Variants in NBPF8 observed in about 807,000 individuals in gnomAD.
NBPF8 encodes the protein NBPF member 8.
downstream of NBPF8, among the ~76,000 whole-genome samples, chr1:120,467,972 GTC>G (rs1661790350): frequency 4.6e-5 from 7 of 151,936 alleles, no homozygotes; most frequent in Admixed American, 1.3e-4. Context: ...GCGTGTGTGT[GTC>G]TGTGTGTGCC....
At chr1:120,460,366 CAG>C (rs1275448247) in intron 17 of NBPF8, among the ~76,000 whole-genome samples, 2,578 of 152,268 alleles carry the variant, frequency 0.017, 69 homozygotes, top group African/African-American at 0.058. Flanking sequence ...CATTCCAACT[CAG>C]GGGAATTTTG....
upstream of NBPF8, among the ~76,000 whole-genome samples, chr1:120,415,122 T>G (rs1414378097): frequency 6.6e-6 from 1 of 151,700 alleles, no homozygotes; most frequent in Non-Finnish European, 1.5e-5. Context: ...TAGGTGAGGG[T>G]CGCGAGGCTG....
chr1:120,429,466 C>A (rs1395916874), intron 3 of NBPF8, among the ~76,000 whole-genome samples: 2 of 152,176 alleles, frequency 1.3e-5, no homozygotes, highest in African/African-American at 4.8e-5. Flanking sequence ...TGGATTTGCC[C>A]TCCCTGCTGT....
chr1:120,454,703 A>ATTTTTTTTTTT, intron 15 of NBPF8, among the ~76,000 whole-genome samples: 1 of 5,080 alleles, frequency 2.0e-4, no homozygotes, highest in Non-Finnish European at 3.8e-4. Flanking sequence ...AGCATCGTGG[A>ATTTTTTTTTTT]TTTTTTTTTT....
chr1:120,468,632 G>A (rs1553251065), downstream of NBPF8, among the ~76,000 whole-genome samples: 3 of 147,600 alleles, frequency 2.0e-5, no homozygotes, highest in Non-Finnish European at 3.0e-5. Context: ...TCCATGGTCC[G>A]TGCCTCCCCA....
exon 25 of NBPF8, chr1:120,466,315 C>A: frequency 6.5e-7 from 1 of 1,538,230 alleles, no homozygotes; most frequent in South Asian, 1.2e-5. Context: ...TTTGGAAGCC[C>A]AGACATAGGA....
chr1:120,434,231 T>A (rs1480544336), upstream of NBPF8, among the ~76,000 whole-genome samples: 1,801 of 148,344 alleles, frequency 0.012, 44 homozygotes, highest in African/African-American at 0.043. Flanking sequence ...GAAAAAAATA[T>A]ATATATATAA....
exon 25 of NBPF8, chr1:120,467,480 G>A (rs1156752114): frequency 2.2e-4 from 11 of 50,788 alleles, no homozygotes; most frequent in Admixed American, 9.7e-4. Flanking sequence ...GAAGTACTTG[G>A]GAAAGCAGTT....
chr1:120,434,530 T>C (rs1331672826), upstream of NBPF8, among the ~76,000 whole-genome samples: 2 of 149,674 alleles, frequency 1.3e-5, no homozygotes, highest in Non-Finnish European at 3.0e-5. Context: ...TGACAGGCCC[T>C]GGTGTGTGAT....
At chr1:120,464,270 C>T (rs1222608192) in intron 22 of NBPF8, 106 bp from the exon 21 acceptor site, 4 of 662,306 alleles carry the variant, frequency 6.0e-6, no homozygotes, top group East Asian at 5.3e-5. Flanking sequence ...TGGATCTATC[C>T]TTTTACTTTT....
intron 15 of NBPF8, 40 bp downstream of exon 13, chr1:120,454,154 G>T: frequency 2.5e-6 from 4 of 1,601,066 alleles, no homozygotes; most frequent in Non-Finnish European, 3.4e-6. Context: ...CTCTCTCTAG[G>T]CTGAGGAAGA....
At chr1:120,433,183 T>A (rs1486878876), upstream of NBPF8, 3 of 152,166 alleles carry the variant, frequency 2.0e-5, no homozygotes, top group Non-Finnish European at 4.4e-5. Flanking sequence ...TTTAGAGAAA[T>A]TTGAAAGCTA....
upstream of NBPF8, among the ~76,000 whole-genome samples, chr1:120,419,197 C>T (rs1479166962): frequency 2.0e-5 from 3 of 152,204 alleles, no homozygotes; most frequent in African/African-American, 7.2e-5. Context: ...GTCAACCTGA[C>T]ATAAAAGGAA....
chr1:120,459,747 C>G (rs1341101816), intron 17 of NBPF8, among the ~76,000 whole-genome samples: 4 of 152,324 alleles, frequency 2.6e-5, no homozygotes, highest in Admixed American at 2.6e-4. Flanking sequence ...TCACGCCATG[C>G]CCGTGCCAAC....
chr1:120,420,763 C>A lies in NBPF8; in HGVS notation n.269+645C>A, dbSNP rs201416986. Among the ~76,000 whole-genome samples, 138 of 146,790 alleles carry A rather than the reference C, an allele frequency of 9.4e-4. 1 individual carries two copies. In the East Asian group the frequency reaches 0.025, roughly 26 times the overall value. Reference sequence around the variant, plus strand: ...CCCAGGACCTTGTGGTGGATGTCTTCTTTCACTGAGCATTCATGGGGTGAC... The same window carrying A: ...CCCAGGACCTTGTGGTGGATGTCTTATTTCACTGAGCATTCATGGGGTGAC... On this transcript the variant is annotated intron_variant and non_coding_transcript_variant, in intron 1 of 28. Coordinates refer to the NBPF8 transcript ENST00000652355.
chr1:120,418,920 T>C (rs1660498217), upstream of NBPF8, among the ~76,000 whole-genome samples: 1 of 151,900 alleles, frequency 6.6e-6, no homozygotes, highest in Non-Finnish European at 1.5e-5. Flanking sequence ...CTATTATTTA[T>C]GAATATAGTA....
chr1:120,461,054 GTGTGTGTGTGTCTTTC>G (rs1277471309), intron 18 of NBPF8, among the ~76,000 whole-genome samples, 184 bp from the exon 17 acceptor site: 2 of 118,402 alleles, frequency 1.7e-5, no homozygotes, highest in Admixed American at 9.2e-5. Flanking sequence ...GTGTGTGTGT[GTGTGTGTGTGTCTTTC>G]TCTTTCATCC....
At chr1:120,461,016 CTGTGTG>C (rs202089337) in intron 18 of NBPF8, among the ~76,000 whole-genome samples, 6,218 of 131,236 alleles carry the variant, frequency 0.047, 286 homozygotes, top group African/African-American at 0.13. Flanking sequence ...TGAGCTCGAA[CTGTGTG>C]TGTGTGTGTG....
intron 3 of NBPF8, among the ~76,000 whole-genome samples, chr1:120,428,767 C>T (rs61807951): frequency 0.7 from 96,671 of 138,474 alleles, 35,099 homozygotes; most frequent in African/African-American, 0.88. Flanking sequence ...CAACCCATAA[C>T]TGAGCGAGGC....
Sources: gnomAD v4.1 joint callset for allele counts (sites outside exome capture counted in the v4.1 genomes callset) on GRCh38, gnomAD v4.1.1 for gene constraint, MANE v1.5 for transcripts, NCBI Gene and HGNC (gene_info 2026-07-23, HGNC 2026-07-21) for gene names.